The following MOB2 variants were observed in gnomAD, a reference collection of about 807,000 sequenced individuals.
MOB2 encodes the protein MOB kinase activator 2, also known as MOB2 Mps One Binder homolog.
A neutral mutation model predicts 27.4 loss-of-function variants in MOB2; 14 were observed. The ratio of observed to expected loss-of-function variants is 0.51; its 90% CI spans 0.34 to 0.80. The LOEUF (loss-of-function observed/expected upper bound fraction) is 0.80. MOB2 is among the 30% of genes least tolerant of loss of function. The pLI is 0.01. For missense variants in MOB2, 304 were observed against 354.6 expected (o/e 0.86, Z 1.15); for synonymous variants, 167 against 151.8 (o/e 1.10, Z -0.74).
At position 1,479,220 on chromosome 11, in the gene MOB2, G is replaced by A. The variant is rs115261793; in HGVS notation, c.365+1173C>T. ...GCCCCGTCTGCCCAGGAGCAGAGGCGCTGAGCCAGCACTTGGCCACAGGTG... is the reference window on the plus strand; with the variant it reads ...GCCCCGTCTGCCCAGGAGCAGAGGCACTGAGCCAGCACTTGGCCACAGGTG... On this transcript the variant is annotated intron_variant, in intron 3 of 4. Coordinates refer to ENST00000329957, the MANE Select transcript of MOB2 (RefSeq NM_001172223.3). 5.4e-3 allele frequency among the ~76,000 whole-genome samples: 830 copies of A among 152,316 alleles called. 7 individuals are homozygous for A. The highest frequency in any genetic ancestry group is 0.018 in the African/African-American group (768 of 41,582).
At chr11:1,483,363 G>A (rs887189183) in intron 1 of MOB2, among the ~76,000 whole-genome samples, 2 of 152,250 alleles carry the variant, frequency 1.3e-5, no homozygotes, top group African/African-American at 4.8e-5. Context: ...AGTGGACCCT[G>A]GACCTCAGCC....
At chr11:1,485,511 A>T (rs1221835136) in intron 1 of MOB2, among the ~76,000 whole-genome samples, 2 of 152,194 alleles carry the variant, frequency 1.3e-5, no homozygotes, top group African/African-American at 4.8e-5. Flanking sequence ...GGAGATAGGG[A>T]AGGAGCCTAT....
rs1847905135 is a variant in MOB2, at chr11:1,480,879, G to T, written c.117C>A (p.Ser39=). Residue 39 remains serine (S), a synonymous_variant, in exon 2 of 5, where the codon TCC becomes TCA. Coordinates refer to ENST00000329957, the MANE Select transcript of MOB2 (RefSeq NM_001172223.3). ...LQAVSKVLRK[S]KAKPNGKKPA... The stretch of plus-strand genomic sequence containing the variant: ...GCTTCTTGCCATTAGGCTTGGCTTT[G>T]GACTTCCTGCCAAGAGAGGAGACGC... The T allele has an allele frequency of 3.9e-6, 6 of 1,555,312 alleles. No homozygotes were observed. The highest frequency in any genetic ancestry group is 5.2e-6 in the Non-Finnish European group (6 of 1,149,670).
At position 1,480,905 on chromosome 11, in the gene MOB2, G is replaced by A. The variant is rs1221750478; in HGVS notation, c.111-20C>T. The stretch of plus-strand genomic sequence containing the variant: ...GACTTCCTGCCAAGAGAGGAGACGC[G>A]GTGTGGTCACTACACGCCCATCAGA... On this transcript the variant is annotated intron_variant, in intron 1 of 4. Transcript: ENST00000329957. 9 of 1,550,698 alleles carry A rather than the reference G, an allele frequency of 5.8e-6. No individual in the cohort carries two copies. Among genetic ancestry groups the A allele is most frequent in the South Asian group, 3.6e-5 (3 of 84,052 alleles).
chr11:1,477,701 T>G (rs1240959424), intron 3 of MOB2, among the ~76,000 whole-genome samples: 1 of 152,190 alleles, frequency 6.6e-6, no homozygotes, highest in Non-Finnish European at 1.5e-5. Flanking sequence ...GATCTTCACC[T>G]TGGACTTTCA....
rs1847903549 is a variant in MOB2, at chr11:1,480,792, G to C, written c.204C>G (p.Asp68Glu). 6.2e-7 allele frequency: 1 copy of C among 1,600,024 alleles called. No homozygotes were observed. The highest frequency in any genetic ancestry group is 1.3e-5 in the African/African-American group (1 of 74,694). ...EPEHTKARITDFQFKELVVLP... is the reference protein window; with the variant it reads ...EPEHTKARITEFQFKELVVLP... ...GCACCACCAGCTCCTTGAACTGGAAGTCGGTGATCCTGGCCTTGGTGTGCT... is the reference window on the plus strand; with the variant it reads ...GCACCACCAGCTCCTTGAACTGGAACTCGGTGATCCTGGCCTTGGTGTGCT... The change falls in exon 2 of 5, where the codon GAC becomes GAG. Residue 68 changes from aspartate to glutamate, a missense_variant. Coordinates refer to ENST00000329957, the MANE Select transcript of MOB2 (RefSeq NM_001172223.3).
chr11:1,481,369 T>C (rs112790186), intron 1 of MOB2: 1 of 206,568 alleles, frequency 4.8e-6, no homozygotes, highest in African/African-American at 2.4e-5. Context: ...CCTGCCTTCC[T>C]GGCCAGCCTG....
chr11:1,485,389 A>G (rs1158284621), intron 1 of MOB2, among the ~76,000 whole-genome samples: 1 of 152,174 alleles, frequency 6.6e-6, no homozygotes, highest in East Asian at 1.9e-4. Context: ...TTGCCCACAC[A>G]TTTCCAAAAC....
chr11:1,470,611 G>A lies in MOB2; in HGVS notation c.491-123C>T, dbSNP rs2133356403. ...CCACACCTTGACCCTGCCACCCTCAGGGCCTACAAAGCCCCAGCAGCAACA... is the reference window on the plus strand; with the variant it reads ...CCACACCTTGACCCTGCCACCCTCAAGGCCTACAAAGCCCCAGCAGCAACA... On this transcript the variant is annotated intron_variant, in intron 4 of 4. Coordinates refer to ENST00000329957, the MANE Select transcript of MOB2 (RefSeq NM_001172223.3). 4.3e-6 allele frequency: 5 copies of A among 1,151,332 alleles called. No homozygotes were observed. In the South Asian group the frequency reaches 6.4e-5, roughly 15 times the overall value. 71.3% of individuals were successfully genotyped at this position (1,151,332 alleles called of 1,614,324 possible). A position where few individuals can be genotyped will look rare whatever the true frequency, so the allele number is the denominator to read the frequency against.
chr11:1,485,015 G>A (rs765069496), intron 1 of MOB2, among the ~76,000 whole-genome samples: 2 of 152,190 alleles, frequency 1.3e-5, no homozygotes, highest in Non-Finnish European at 2.9e-5. Flanking sequence ...AGGAACGCCC[G>A]CAGACATCCC....
intron 3 of MOB2, among the ~76,000 whole-genome samples, chr11:1,473,664 A>G (rs1315337187): frequency 6.6e-6 from 1 of 152,274 alleles, no homozygotes; most frequent in African/African-American, 2.4e-5. Flanking sequence ...ACTCAGGGAC[A>G]CTGTGGATTG....
chr11:1,484,046 C>A (rs928008383), intron 1 of MOB2, among the ~76,000 whole-genome samples: 1 of 152,202 alleles, frequency 6.6e-6, no homozygotes, highest in African/African-American at 2.4e-5. Context: ...GAGTGCCCTG[C>A]ACCTTTGCCA....
intron 1 of MOB2, among the ~76,000 whole-genome samples, chr11:1,482,386 G>A (rs955865508): frequency 1.3e-5 from 2 of 152,228 alleles, no homozygotes; most frequent in Non-Finnish European, 2.9e-5. Flanking sequence ...CCCCTTGCCA[G>A]CCTTCCAGGC....
Position 1,486,656 on chromosome 11 carries a change from G to C in MOB2, c.-100C>G. The C allele has an allele frequency of 1.3e-6, 1 of 763,896 alleles. No individual in the cohort carries two copies. The highest frequency in any genetic ancestry group is 2.2e-5 in the Admixed American group (1 of 46,170). 47.3% of individuals were successfully genotyped at this position (763,896 alleles called of 1,614,324 possible). A position where few individuals can be genotyped will look rare whatever the true frequency, so the allele number is the denominator to read the frequency against. ...CCGGGCCCTCCAGCCTCACTCCCTG[G>C]CCAATGGGACGCCTGGCAGAGACAA... On this transcript the variant is annotated 5_prime_UTR_variant, in exon 1 of 5. Transcript: ENST00000329957.
intron 1 of MOB2, 143 bp downstream of exon 1, chr11:1,486,304 C>T (rs1360226562): frequency 3.9e-5 from 26 of 660,704 alleles, no homozygotes; most frequent in South Asian, 2.1e-4. Flanking sequence ...CAGCACAGCT[C>T]GCTGCACAGC....
chr11:1,470,283 G>A lies in MOB2; in HGVS notation c.696C>T (p.Asp232=), dbSNP rs758985115. The A allele has an allele frequency of 6.2e-6, 10 of 1,613,038 alleles. No individual in the cohort carries two copies. The highest frequency in any genetic ancestry group is 4.5e-5 in the East Asian group (2 of 44,884). The change falls in exon 5 of 5, where the codon GAC becomes GAT. Residue 232 remains aspartate (D), a synonymous_variant. Coordinates refer to ENST00000329957, the MANE Select transcript of MOB2 (RefSeq NM_001172223.3). ...LLDPKETAIM[D]DLTEVLCSGA... is the part of the protein sequence containing the mutation. ...CGCTGCATAGCACCTCGGTGAGGTC[G>A]TCCATGATGGCGGTCTCTTTGGGGT...
intron 3 of MOB2, among the ~76,000 whole-genome samples, chr11:1,474,664 G>A (rs549244000): frequency 6.6e-6 from 1 of 151,036 alleles, no homozygotes; most frequent in African/African-American, 2.4e-5. Context: ...GTGTGGGGCT[G>A]TCTCCGGACT....
In MOB2 at chr11:1,470,036, C is replaced by T; in HGVS notation, c.*136G>A. The T allele has an allele frequency of 6.5e-7, 1 of 1,535,358 alleles. No individual in the cohort carries two copies. The highest frequency in any genetic ancestry group is 1.2e-5 in the South Asian group (1 of 83,324). On this transcript the variant is annotated 3_prime_UTR_variant, in exon 5 of 5. Transcript: ENST00000329957. ...GCCGTCTGCGTCTGTGCCTGTGCAG[C>T]CCACACCAGTGCAGCCCGGGGCCCT...
Position 1,471,430 on chromosome 11 carries a change from A to G in MOB2, c.366-11T>C. The G allele has an allele frequency of 1.2e-6, 2 of 1,607,862 alleles. No individual in the cohort carries two copies. The highest frequency in any genetic ancestry group is 1.7e-6 in the Non-Finnish European group (2 of 1,176,372). ...TACCAGTAGTACTGTCTGTGGAGAC[A>G]GAGACACGGTCAGGGCATGCGCCCG... On this transcript the variant is annotated splice_polypyrimidine_tract_variant and intron_variant, in intron 3 of 4. Transcript: ENST00000329957.
Sources: allele counts gnomAD v4.1 joint callset (sites outside exome capture counted in the v4.1 genomes callset), GRCh38; gene constraint gnomAD v4.1.1; transcripts MANE v1.5; gene names NCBI Gene and HGNC (gene_info 2026-07-23, HGNC 2026-07-21).